Variants in PHACTR3 observed in about 807,000 individuals in gnomAD.
PHACTR3 encodes the protein protein phosphatase 1, regulatory subunit 123.
A neutral mutation model predicts 66.8 loss-of-function variants in PHACTR3; 16 were observed. The ratio of observed to expected loss-of-function variants is 0.24; its 90% CI spans 0.16 to 0.36. PHACTR3 has a LOEUF of 0.36. Among genes scored for constraint, PHACTR3 ranks in the 10% least tolerant of loss-of-function variants. The probability of loss-of-function intolerance (pLI) is 1.00; values close to 1 mark genes in which losing one functional copy is unlikely to be tolerated. For synonymous variants in PHACTR3, 323 were observed against 292.1 expected (o/e 1.11, Z -1.08); for missense variants, 647 against 719.9 (o/e 0.90, Z 1.16).
intron 1 of PHACTR3, among the ~76,000 whole-genome samples, chr20:59,620,249 G>A (rs544203316): frequency 1.8e-4 from 27 of 152,212 alleles, no homozygotes; most frequent in East Asian, 7.7e-4. Context: ...TAACTCCTGC[G>A]TACCTTTCAC....
At chr20:59,710,626 C>T in intron 1 of PHACTR3, among the ~76,000 whole-genome samples, 1 of 152,210 alleles carries the variant, frequency 6.6e-6, no homozygotes, top group Non-Finnish European at 1.5e-5. Flanking sequence ...GCCTTCCCCT[C>T]TGCTATTTTA....
intron 2 of PHACTR3, among the ~76,000 whole-genome samples, chr20:59,745,105 G>A (rs937762278): frequency 2.0e-5 from 3 of 152,202 alleles, no homozygotes; most frequent in Non-Finnish European, 4.4e-5. Context: ...CCAGTGGTCC[G>A]AGAAGACCCA....
At chr20:59,677,482 C>T (rs12481159) in intron 1 of PHACTR3, among the ~76,000 whole-genome samples, 42,808 of 152,014 alleles carry the variant, frequency 0.28, 7,168 homozygotes, top group African/African-American at 0.46. Flanking sequence ...CCCAAGAAGG[C>T]GATGGAGAAG....
chr20:59,718,561 A>G (rs1030178704), intron 1 of PHACTR3, among the ~76,000 whole-genome samples: 2 of 138,544 alleles, frequency 1.4e-5, no homozygotes, highest in South Asian at 4.5e-4. Flanking sequence ...TTTTGATGCT[A>G]TAGAAAAAAA....
rs527966002 is a variant in PHACTR3 at position 59,633,130 on chromosome 20, G to A, written c.118+27998G>A. 2.6e-5 allele frequency among the ~76,000 whole-genome samples: 4 copies of A among 152,318 alleles called. No individual in the cohort carries two copies. The South Asian group carries it at 6.2e-4, about 24-fold the overall frequency. On this transcript the variant is annotated intron_variant, in intron 1 of 12. Coordinates refer to ENST00000371015, the MANE Select transcript of PHACTR3 (RefSeq NM_080672.5). The stretch of plus-strand genomic sequence containing the variant: ...TCACACTCCCAGTGACACAGCGTGT[G>A]CTAGAGATTAGGCTTTTCTCGTGAA...
intron 1 of PHACTR3, among the ~76,000 whole-genome samples, chr20:59,725,588 G>C (rs192357502): frequency 3.9e-5 from 6 of 152,324 alleles, no homozygotes; most frequent in Admixed American, 1.3e-4. Flanking sequence ...ACCCTGGAAT[G>C]AGGATTTGAG....
At chr20:59,713,852 G>A (rs988022289) in intron 1 of PHACTR3, among the ~76,000 whole-genome samples, 7 of 151,642 alleles carry the variant, frequency 4.6e-5, no homozygotes, top group South Asian at 2.1e-4. Context: ...TTTGAACCAC[G>A]GTCAACTCCC....
chr20:59,841,575 A>G, intron 11 of PHACTR3, 40 bp downstream of exon 11: 1 of 1,582,934 alleles, frequency 6.3e-7, no homozygotes, highest in South Asian at 1.2e-5. Context: ...GTTGGATGAT[A>G]TAATAAAGGC....
intron 7 of PHACTR3, among the ~76,000 whole-genome samples, chr20:59,794,604 AGG>A (rs1162777566): frequency 6.6e-6 from 1 of 152,202 alleles, no homozygotes; most frequent in East Asian, 1.9e-4. Context: ...AGAATAGTTT[AGG>A]AAGAACTGAT....
intron 3 of PHACTR3, among the ~76,000 whole-genome samples, chr20:59,752,043 G>T (rs1314639211): frequency 2.0e-5 from 3 of 152,158 alleles, no homozygotes; most frequent in African/African-American, 4.8e-5. Context: ...CCCGTCATTG[G>T]GTATAAAAGA....
intron 3 of PHACTR3, among the ~76,000 whole-genome samples, chr20:59,753,151 T>C (rs1363108451): frequency 2.7e-5 from 4 of 148,604 alleles, no homozygotes; most frequent in Admixed American, 6.6e-5. Flanking sequence ...TTCATAAAAA[T>C]TAAAAAAAAA....
At chr20:59,735,873 A>G (rs2146735887) in intron 1 of PHACTR3, among the ~76,000 whole-genome samples, 1 of 152,298 alleles carries the variant, frequency 6.6e-6, no homozygotes, top group South Asian at 2.1e-4. Flanking sequence ...AATGTGAATA[A>G]AGGGATTGGC....
At chr20:59,785,933 C>T (rs2146940188) in intron 7 of PHACTR3, among the ~76,000 whole-genome samples, 1 of 152,158 alleles carries the variant, frequency 6.6e-6, no homozygotes, top group South Asian at 2.1e-4. Context: ...TTCCAACGGC[C>T]CTCTGCCTCC....
rs1230935277 is a variant in PHACTR3 at position 59,766,786 on chromosome 20, A to G, written c.542-400A>G. On this transcript the variant is annotated intron_variant, in intron 4 of 12. Coordinates refer to ENST00000371015, the MANE Select transcript of PHACTR3 (RefSeq NM_080672.5). ...CCTGTGAGGGACTATTGTTAACACA[A>G]TGCCATGCATGAGTAAATGGAGTTT... 2.9e-4 allele frequency among the ~76,000 whole-genome samples: 44 copies of G among 152,220 alleles called. 1 individual carries two copies. The highest frequency in any genetic ancestry group is 2.9e-3 in the Admixed American group (44 of 15,284).
In PHACTR3 at chr20:59,610,616, C is replaced by T. The variant is rs140120285; in HGVS notation, c.118+5484C>T. ...TGTTTCCTCAGTTGTAGCCACATTTCAAGTGTGCGGGAGCCCCATGCAGCT... is the reference window on the plus strand; with the variant it reads ...TGTTTCCTCAGTTGTAGCCACATTTTAAGTGTGCGGGAGCCCCATGCAGCT... On this transcript the variant is annotated intron_variant, in intron 1 of 12. Transcript: ENST00000371015. 4.1e-3 allele frequency among the ~76,000 whole-genome samples: 618 copies of T among 152,366 alleles called. 3 individuals are homozygous for T. The highest frequency in any genetic ancestry group is 7.5e-3 in the Non-Finnish European group (509 of 68,034).
At chr20:59,623,110 T>C (rs1436340582) in intron 1 of PHACTR3, among the ~76,000 whole-genome samples, 1 of 151,752 alleles carries the variant, frequency 6.6e-6, no homozygotes, top group Non-Finnish European at 1.5e-5. Context: ...AAATAAATGT[T>C]TTTTTGTGGG....
rs568543831 is a variant in PHACTR3 at position 59,758,118 on chromosome 20, T to TG, written c.541+2759dup. The stretch of plus-strand genomic sequence containing the variant: ...GCTCTGCTGGTGACCCAGCAAGACC[T>TG]GGGGGAGACTGGAGCCGTGCATGGT... On this transcript the variant is annotated intron_variant, in intron 4 of 12. Coordinates refer to ENST00000371015, the MANE Select transcript of PHACTR3 (RefSeq NM_080672.5). Among the ~76,000 whole-genome samples the TG allele has an allele frequency of 1.1e-3, 91 of 85,502 alleles. 1 individual carries two copies. Among genetic ancestry groups the TG allele is most frequent in the Admixed American group, 9.2e-3 (70 of 7,578 alleles). The allele number at this position is 85,502 out of a possible 152,430, so 56.1% of individuals were successfully genotyped here. A position where few individuals can be genotyped will look rare whatever the true frequency, so the allele number is the denominator to read the frequency against.
At chr20:59,731,963 T>C (rs1251833148) in intron 1 of PHACTR3, among the ~76,000 whole-genome samples, 1 of 152,196 alleles carries the variant, frequency 6.6e-6, no homozygotes, top group Non-Finnish European at 1.5e-5. Context: ...GGTTTATTGC[T>C]CAAACTATTT....
Position 59,845,255 on chromosome 20 carries a change from C to T in PHACTR3, c.1654C>T (p.His552Tyr). ...AATGGAGGTACATGCATCAAGCAAGCACTTGACAAGGTCAGATTTGTTTCT... is the reference window on the plus strand; with the variant it reads ...AATGGAGGTACATGCATCAAGCAAGTACTTGACAAGGTCAGATTTGTTTCT... ...NEMEVHASSKHLTRFHRP is the reference protein window; with the variant it reads ...NEMEVHASSKYLTRFHRP Residue 552 changes from histidine to tyrosine, a missense_variant, in exon 12 of 13, where the codon CAC becomes TAC. By Grantham distance (83) the His-to-Tyr change is moderately conservative (BLOSUM62 2). This residue lies in a region of PHACTR3 where 70 missense variants were observed against 148.8 expected (regional missense o/e 0.47). Transcript: ENST00000371015. 6.2e-7 allele frequency: 1 copy of T among 1,604,742 alleles called. No homozygotes were observed. Among genetic ancestry groups the T allele is most frequent in the Non-Finnish European group, 8.5e-7 (1 of 1,172,688 alleles).
Sources: gnomAD v4.1 joint callset for allele counts (sites outside exome capture counted in the v4.1 genomes callset) on GRCh38, gnomAD v4.1.1 for gene constraint, gnomAD v4.1.1 regional missense constraint, MANE v1.5 for transcripts, NCBI Gene and HGNC (gene_info 2026-07-23, HGNC 2026-07-21) for gene names.